GRM8: variants seen among roughly 807,000 people sequenced by gnomAD.
GRM8 encodes metabotropic glutamate receptor 8.
GRM8 carries 47 observed loss-of-function variants against 87.2 expected under a neutral mutation model. The ratio of observed to expected loss-of-function variants is 0.54; its 90% CI spans 0.43 to 0.69. GRM8 has a LOEUF of 0.69. GRM8 is among the 30% of genes least tolerant of loss of function. GRM8 has a pLI of 0.00. For synonymous variants in GRM8, 396 were observed against 404.5 expected, an observed-to-expected ratio of 0.98 and a Z score of 0.25; for missense variants, 1,019 against 1,139.2, an observed-to-expected ratio of 0.89 and a Z score of 1.52.
intron 5 of GRM8, among the ~76,000 whole-genome samples, chr7:126,903,230 AC>A (rs1802276969): frequency 6.6e-6 from 1 of 151,824 alleles, no homozygotes; most frequent in Non-Finnish European, 1.5e-5. Context: ...TTGAAGGGAG[AC>A]CCCCTGGAAA....
intron 3 of GRM8, among the ~76,000 whole-genome samples, chr7:127,066,662 A>T (rs1821146494): frequency 6.6e-6 from 1 of 152,172 alleles, no homozygotes; most frequent in African/African-American, 2.4e-5. Context: ...GGAAACATTC[A>T]ATATCCTGCT....
chr7:126,750,075 C>A (rs961064983), intron 7 of GRM8, among the ~76,000 whole-genome samples: 2 of 152,064 alleles, frequency 1.3e-5, no homozygotes, highest in African/African-American at 4.8e-5. Flanking sequence ...ACGGGGAAAA[C>A]TGGAAACAAT....
chr7:126,956,725 A>T (rs1563352869), intron 3 of GRM8, among the ~76,000 whole-genome samples: 1 of 152,234 alleles, frequency 6.6e-6, no homozygotes, highest in Non-Finnish European at 1.5e-5. Context: ...TGACAGGAAC[A>T]TGAACAGGGA....
intron 3 of GRM8, among the ~76,000 whole-genome samples, chr7:127,096,674 T>C (rs1427748367): frequency 1.3e-5 from 2 of 152,064 alleles, no homozygotes; most frequent in Non-Finnish European, 2.9e-5. Context: ...TACACATGAA[T>C]AAATTGGGGC....
intron 2 of GRM8, among the ~76,000 whole-genome samples, chr7:127,110,812 T>C (rs1351180638): frequency 6.6e-6 from 1 of 152,106 alleles, no homozygotes; most frequent in Non-Finnish European, 1.5e-5. Flanking sequence ...TTCCCCAACA[T>C]GGAGGGGGAA....
intron 3 of GRM8, among the ~76,000 whole-genome samples, chr7:127,071,973 T>C (rs952145341): frequency 6.6e-6 from 1 of 152,042 alleles, no homozygotes; most frequent in African/African-American, 2.4e-5. Context: ...CTGATACCAC[T>C]GAAATTACCC....
At chr7:126,840,006 G>T (rs114839083) in intron 6 of GRM8, among the ~76,000 whole-genome samples, 1,673 of 152,246 alleles carry the variant, frequency 0.011, 30 homozygotes, top group African/African-American at 0.038. Context: ...GAAAACATCT[G>T]TATGGGTGAA....
chr7:127,232,356 G>C (rs963854510), intron 2 of GRM8, among the ~76,000 whole-genome samples: 1 of 152,080 alleles, frequency 6.6e-6, no homozygotes, highest in African/African-American at 2.4e-5. Context: ...TCAGCCTCCA[G>C]AGTAGCTGGA....
intron 6 of GRM8, among the ~76,000 whole-genome samples, chr7:126,806,897 C>A (rs11981611): frequency 6.6e-6 from 1 of 152,196 alleles, no homozygotes. Flanking sequence ...CACCTCCCCG[C>A]GAGCAGAGGG....
intron 2 of GRM8, among the ~76,000 whole-genome samples, chr7:127,233,523 G>C (rs927236644): frequency 6.6e-6 from 1 of 152,160 alleles, no homozygotes; most frequent in African/African-American, 2.4e-5. Flanking sequence ...ACAAGCACTA[G>C]TCAAAGCTAG....
At chr7:126,803,913 C>T (rs574547947) in intron 6 of GRM8, among the ~76,000 whole-genome samples, 87 of 152,358 alleles carry the variant, frequency 5.7e-4, no homozygotes, top group Admixed American at 5.6e-3. Context: ...ATGCCTGGCA[C>T]ATAGTAAATC....
At chr7:127,043,507 T>C (rs1013053883) in intron 3 of GRM8, among the ~76,000 whole-genome samples, 4 of 151,926 alleles carry the variant, frequency 2.6e-5, no homozygotes, top group Non-Finnish European at 5.9e-5. Flanking sequence ...CAGCAAACTA[T>C]CACAAGAACA....
chr7:126,970,703 G>T (rs562938383), intron 3 of GRM8, among the ~76,000 whole-genome samples: 37 of 152,240 alleles, frequency 2.4e-4, no homozygotes, highest in Non-Finnish European at 4.9e-4. Flanking sequence ...TTGGCTGTTT[G>T]GCATAAGAGG....
intron 3 of GRM8, among the ~76,000 whole-genome samples, chr7:126,975,680 T>C (rs1810912364): frequency 5.9e-5 from 9 of 152,178 alleles, no homozygotes; most frequent in Admixed American, 5.9e-4. Context: ...CAAGATCTTA[T>C]GACAGTTTTA....
At chr7:127,187,326 C>T (rs367776955) in intron 2 of GRM8, among the ~76,000 whole-genome samples, 16 of 152,064 alleles carry the variant, frequency 1.1e-4, no homozygotes, top group Admixed American at 5.9e-4. Flanking sequence ...TATGTATATG[C>T]TTTTTATCCC....
At chr7:127,063,117 G>T (rs1273615450) in intron 3 of GRM8, among the ~76,000 whole-genome samples, 1 of 152,080 alleles carries the variant, frequency 6.6e-6, no homozygotes, top group African/African-American at 2.4e-5. Flanking sequence ...GCCAGACATG[G>T]TGGCAGGCAC....
At chr7:127,054,122 G>A (rs1038504290) in intron 3 of GRM8, among the ~76,000 whole-genome samples, 3 of 152,010 alleles carry the variant, frequency 2.0e-5, no homozygotes, top group African/African-American at 7.2e-5. Context: ...TTTTATAAGA[G>A]CTTCACCCTT....
At chr7:127,106,440 C>A (rs1825808985) in intron 3 of GRM8, 56 bp downstream of exon 3, 1 of 1,353,456 alleles carries the variant, frequency 7.4e-7, no homozygotes, top group African/African-American at 1.4e-5. Flanking sequence ...TGGAGATGCT[C>A]AGGCATCAGC....
At chr7:126,609,580 A>T in intron 7 of GRM8, 82 bp from the exon 8 acceptor site, 2 of 993,854 alleles carry the variant, frequency 2.0e-6, no homozygotes, top group Non-Finnish European at 3.0e-6. Flanking sequence ...AAGGAATGGT[A>T]GATAAAAATA....
Sources: allele counts gnomAD v4.1 joint callset (sites outside exome capture counted in the v4.1 genomes callset), GRCh38; gene constraint gnomAD v4.1.1; transcripts MANE v1.5; gene names NCBI Gene and HGNC (gene_info 2026-07-23, HGNC 2026-07-21).